The following VAT1L variants were observed in gnomAD, a reference collection of about 807,000 sequenced individuals.
The protein encoded by VAT1L is putative NADPH-dependent quinone oxidoreductase VAT1L.
Under a neutral mutation model 44.1 loss-of-function variants are expected in VAT1L, and 34 were observed. The observed-to-expected ratio is 0.77, with a 90% CI of 0.59 to 1.03. The LOEUF is 1.03. Ranked by LOEUF, VAT1L falls within the 50% of genes least tolerant of loss-of-function variation. VAT1L has a pLI of 0.00. For synonymous variants in VAT1L, 253 were observed against 202.2 expected (o/e 1.25, Z -2.13); for missense variants, 615 against 538.8 (o/e 1.14, Z -1.40).
At chr16:77,892,024 A>C (rs986530138) in intron 7 of VAT1L, among the ~76,000 whole-genome samples, 3 of 152,174 alleles carry the variant, frequency 2.0e-5, no homozygotes, top group Non-Finnish European at 4.4e-5. Flanking sequence ...GTGAGCTGAG[A>C]TCCCGCCACT....
At chr16:77,887,320 G>C (rs946743988) in intron 7 of VAT1L, among the ~76,000 whole-genome samples, 1 of 152,196 alleles carries the variant, frequency 6.6e-6, no homozygotes, top group African/African-American at 2.4e-5. Context: ...TTCAGAGTCA[G>C]GAGGTACCAC....
At chr16:77,807,413 G>T (rs138853496) in intron 1 of VAT1L, among the ~76,000 whole-genome samples, 4 of 152,284 alleles carry the variant, frequency 2.6e-5, no homozygotes, top group Non-Finnish European at 5.9e-5. Context: ...ATGCAGGGGT[G>T]CAAAGGCCCA....
chr16:77,866,903 G>A (rs183948391), intron 4 of VAT1L, among the ~76,000 whole-genome samples: 104 of 152,290 alleles, frequency 6.8e-4, no homozygotes, highest in Middle Eastern at 6.8e-3. Flanking sequence ...GAGAGAGCAC[G>A]TCAAGATGGA....
At chr16:77,818,129 C>T (rs1376711248) in intron 2 of VAT1L, among the ~76,000 whole-genome samples, 3 of 152,098 alleles carry the variant, frequency 2.0e-5, no homozygotes, top group East Asian at 1.9e-4. Flanking sequence ...CTACTCCCAG[C>T]CCCCAAATAC....
At chr16:77,855,450 T>C (rs1459902978) in intron 3 of VAT1L, among the ~76,000 whole-genome samples, 7 of 152,174 alleles carry the variant, frequency 4.6e-5, no homozygotes, top group South Asian at 2.1e-4. Flanking sequence ...CTTCTCCTTA[T>C]CTATCTCCCC....
At chr16:77,858,379 A>G (rs1357221764) in intron 3 of VAT1L, among the ~76,000 whole-genome samples, 1 of 152,252 alleles carries the variant, frequency 6.6e-6, no homozygotes, top group Non-Finnish European at 1.5e-5. Context: ...ATAGTCACGC[A>G]GGATCTGATA....
At chr16:77,968,103 TA>T (rs1416774228) in intron 7 of VAT1L, among the ~76,000 whole-genome samples, 1 of 152,230 alleles carries the variant, frequency 6.6e-6, no homozygotes, top group Non-Finnish European at 1.5e-5. Context: ...TTATTGCATT[TA>T]ACTCCCCCAC....
At chr16:77,906,119 T>G (rs2017434138) in intron 7 of VAT1L, among the ~76,000 whole-genome samples, 1 of 152,214 alleles carries the variant, frequency 6.6e-6, no homozygotes, top group Non-Finnish European at 1.5e-5. Flanking sequence ...TTCTTTAAAG[T>G]ACCTTCTTTA....
chr16:77,918,903 C>T (rs2017580813), intron 7 of VAT1L, among the ~76,000 whole-genome samples: 1 of 152,218 alleles, frequency 6.6e-6, no homozygotes, highest in South Asian at 2.1e-4. Context: ...TTCTCTCTCT[C>T]CTGAGCTTAC....
chr16:77,926,651 A>T (rs772949741), intron 7 of VAT1L, among the ~76,000 whole-genome samples: 19 of 152,274 alleles, frequency 1.2e-4, no homozygotes, highest in Middle Eastern at 6.8e-3. Flanking sequence ...AAGTGTGGCC[A>T]GGTTTTCTAA....
chr16:77,946,276 G>GTTTTTTTTT (rs1597114758), intron 7 of VAT1L, among the ~76,000 whole-genome samples: 3 of 33,874 alleles, frequency 8.9e-5, no homozygotes, highest in South Asian at 1.2e-3. Flanking sequence ...TAGGTTACTT[G>GTTTTTTTTT]TTCTTTTTTT....
At chr16:77,853,435 G>A (rs2016826434) in intron 3 of VAT1L, among the ~76,000 whole-genome samples, 1 of 152,142 alleles carries the variant, frequency 6.6e-6, no homozygotes, top group South Asian at 2.1e-4. Flanking sequence ...ATTCTCCAGG[G>A]AATGTATAAT....
chr16:77,932,982 C>T (rs1467688326), intron 7 of VAT1L, among the ~76,000 whole-genome samples: 1 of 152,190 alleles, frequency 6.6e-6, no homozygotes, highest in African/African-American at 2.4e-5. Context: ...CCACACATTT[C>T]ATTGGCTAGA....
At chr16:77,806,411 A>G (rs1312263716) in intron 1 of VAT1L, among the ~76,000 whole-genome samples, 1 of 150,986 alleles carries the variant, frequency 6.6e-6, no homozygotes, top group Non-Finnish European at 1.5e-5. Context: ...AGGTTTCACC[A>G]TGTTAGCCAG....
At chr16:77,870,435 G>A (rs776713890) in intron 4 of VAT1L, among the ~76,000 whole-genome samples, 1 of 152,184 alleles carries the variant, frequency 6.6e-6, no homozygotes, top group Non-Finnish European at 1.5e-5. Flanking sequence ...ACTTTTCTTG[G>A]CAAGGTCAAA....
intron 7 of VAT1L, among the ~76,000 whole-genome samples, chr16:77,924,617 C>T (rs186869303): frequency 7.2e-5 from 11 of 152,204 alleles, no homozygotes; most frequent in African/African-American, 1.9e-4. Context: ...TATGCCACCA[C>T]ACCCACCTAA....
chr16:77,964,965 T>C lies in VAT1L; in HGVS notation c.1078-6885T>C, dbSNP rs193103476. The stretch of plus-strand genomic sequence containing the variant: ...ACCACCATGCCCGGCTAATTTTGTA[T>C]TTTTAGTAGAGACAGGGTTTCTCCA... On this transcript the variant is annotated intron_variant, in intron 7 of 8. Coordinates refer to ENST00000302536, the MANE Select transcript of VAT1L (RefSeq NM_020927.3). 1.8e-4 allele frequency among the ~76,000 whole-genome samples: 27 copies of C among 152,054 alleles called. No homozygotes were observed. The East Asian group carries it at 5.1e-3, about 28-fold the overall frequency.
intron 2 of VAT1L, among the ~76,000 whole-genome samples, chr16:77,818,382 C>A (rs570643753): frequency 1.4e-5 from 2 of 147,606 alleles, no homozygotes; most frequent in South Asian, 2.2e-4. Context: ...GAGAAAGAGG[C>A]AGTAAATGAG....
At chr16:77,820,261 A>T (rs1435715545) in intron 2 of VAT1L, among the ~76,000 whole-genome samples, 1 of 151,960 alleles carries the variant, frequency 6.6e-6, no homozygotes, top group Non-Finnish European at 1.5e-5. Context: ...AGTCATGGTG[A>T]CTCCCAGGGT....
Sources: gnomAD v4.1 joint callset for allele counts (sites outside exome capture counted in the v4.1 genomes callset) on GRCh38, gnomAD v4.1.1 for gene constraint, MANE v1.5 for transcripts, NCBI Gene and HGNC (gene_info 2026-07-23, HGNC 2026-07-21) for gene names.